MACROD2: variants seen among roughly 807,000 people sequenced by gnomAD.
MACROD2 encodes the protein ADP-ribose glycohydrolase MACROD2.
MACROD2 carries 36 observed loss-of-function variants against 70.4 expected under a neutral mutation model. The ratio of observed to expected loss-of-function variants is 0.51; its 90% CI spans 0.39 to 0.68. The LOEUF (loss-of-function observed/expected upper bound fraction) is 0.68. Ranked by LOEUF, MACROD2 falls within the 30% of genes least tolerant of loss-of-function variation. The pLI is 0.00. For synonymous variants in MACROD2, 172 were observed against 178.8 expected, an observed-to-expected ratio of 0.96 and a Z score of 0.30; for missense variants, 496 against 538.4, an observed-to-expected ratio of 0.92 and a Z score of 0.78.
In MACROD2 at chr20:13,995,936, C is replaced by T; in HGVS notation, c.46+127C>T. The T allele has an allele frequency of 9.0e-7, 1 of 1,107,044 alleles. No individual in the cohort carries two copies. Among genetic ancestry groups the T allele is most frequent in the East Asian group, 2.6e-5 (1 of 38,646 alleles). The allele number at this position is 1,107,044 out of a possible 1,614,324, so 68.6% of individuals were successfully genotyped here. A position where few individuals can be genotyped will look rare whatever the true frequency, so the allele number is the denominator to read the frequency against. ...CTCGCGCCCTCCCGGCCGGTGCCGC[C>T]TCCCTCCGGTGTCCGTGTGTACACA... On this transcript the variant is annotated intron_variant, in intron 1 of 17. Transcript: ENST00000684519. This position sits in a 1 kb window ranked among gnomAD's most constrained non-coding sequence, Gnocchi z 4.3.
At chr20:15,510,089 G>A (rs1270059324) in intron 8 of MACROD2, among the ~76,000 whole-genome samples, 7 of 152,134 alleles carry the variant, frequency 4.6e-5, no homozygotes, top group East Asian at 1.9e-4. Flanking sequence ...AGGAGAGGCC[G>A]CCATGTTGAT....
At chr20:14,900,387 A>G (rs930556649) in intron 5 of MACROD2, among the ~76,000 whole-genome samples, 5 of 152,086 alleles carry the variant, frequency 3.3e-5, no homozygotes, top group South Asian at 2.1e-4. Flanking sequence ...ATTAGTTGCA[A>G]TTCTTCAAAG....
intron 3 of MACROD2, among the ~76,000 whole-genome samples, chr20:14,244,404 T>G (rs1042905764): frequency 2.6e-5 from 4 of 152,132 alleles, no homozygotes; most frequent in African/African-American, 9.7e-5. Flanking sequence ...AAAACCCATA[T>G]TCAGTAGTGA....
chr20:14,858,857 T>C (rs2073283507), intron 5 of MACROD2, among the ~76,000 whole-genome samples: 1 of 152,156 alleles, frequency 6.6e-6, no homozygotes, highest in Non-Finnish European at 1.5e-5. Context: ...AGTACTCACC[T>C]CAAAGGTTGT....
chr20:15,920,748 T>A (rs2065391433), intron 10 of MACROD2, among the ~76,000 whole-genome samples: 1 of 152,214 alleles, frequency 6.6e-6, no homozygotes, highest in Non-Finnish European at 1.5e-5. Flanking sequence ...CCCTGCTAGC[T>A]ATGGGTGCTT....
intron 3 of MACROD2, among the ~76,000 whole-genome samples, chr20:14,452,785 G>C (rs540833531): frequency 6.6e-6 from 1 of 152,028 alleles, no homozygotes; most frequent in South Asian, 2.1e-4. Flanking sequence ...TGGATTTTTT[G>C]CATTTAGATT....
intron 3 of MACROD2, among the ~76,000 whole-genome samples, chr20:14,233,843 A>G (rs565784194): frequency 6.6e-6 from 1 of 152,150 alleles, no homozygotes; most frequent in South Asian, 2.1e-4. Flanking sequence ...ACTATATGAC[A>G]TTATGGAAAA....
chr20:14,981,882 A>C (rs2074804515), intron 5 of MACROD2, among the ~76,000 whole-genome samples: 1 of 152,110 alleles, frequency 6.6e-6, no homozygotes. Flanking sequence ...GATACCTGAA[A>C]ATTTGGAAGT....
At chr20:15,285,041 C>T (rs1600196760) in intron 6 of MACROD2, among the ~76,000 whole-genome samples, 1 of 150,910 alleles carries the variant, frequency 6.6e-6, no homozygotes, top group Non-Finnish European at 1.5e-5. Context: ...ATTTTTATGA[C>T]TAATGTTAAG....
chr20:15,371,316 A>T (rs1395577817), intron 6 of MACROD2, among the ~76,000 whole-genome samples: 1 of 152,154 alleles, frequency 6.6e-6, no homozygotes, highest in African/African-American at 2.4e-5. Flanking sequence ...GTATCATCTT[A>T]GAGGTTTCAG....
intron 10 of MACROD2, among the ~76,000 whole-genome samples, chr20:15,907,441 G>A (rs2065164580): frequency 6.6e-6 from 1 of 152,190 alleles, no homozygotes; most frequent in East Asian, 1.9e-4. Context: ...GGGAGAGCAT[G>A]GAAATCTGTT....
rs1177498607 is a variant in MACROD2, at chr20:15,234,012, C to CTTTTTTTTTTTTTTTTTTTTTTTT, written c.540+3965_540+3988dup. Among the ~76,000 whole-genome samples the CTTTTTTTTTTTTTTTTTTTTTTTT allele has an allele frequency of 2.4e-4, 7 of 29,184 alleles. 2 individuals carry two copies. Among genetic ancestry groups the CTTTTTTTTTTTTTTTTTTTTTTTT allele is most frequent in the Non-Finnish European group, 2.3e-4 (4 of 17,364 alleles). 19.1% of individuals were successfully genotyped at this position (29,184 alleles called of 152,430 possible). On this transcript the variant is annotated intron_variant, in intron 6 of 17. Transcript: ENST00000684519. Reference sequence around the variant, plus strand: ...ATATATATATATATATATATATATTCTTTTTTTTTTTTTTTTTTTTTTTTT... The same window carrying CTTTTTTTTTTTTTTTTTTTTTTTT: ...ATATATATATATATATATATATATTCTTTTTTTTTTTTTTTTTTTTTTTTTTTTTTTTTTTTTTTTTTTTTTTTT...
chr20:14,473,594 A>AT (rs1228040690), intron 3 of MACROD2, among the ~76,000 whole-genome samples: 1 of 146,928 alleles, frequency 6.8e-6, no homozygotes. Context: ...ATTGTGAATA[A>AT]TGCTTCTAAC....
In MACROD2 at chr20:14,923,563, C is replaced by G. The variant is rs113998847; in HGVS notation, c.418+238604C>G. ...AATTTTCGGTGATCTCCTTGACTAC[C>G]CTGTTTCTCTTACTTTCTCTATAAA... On this transcript the variant is annotated intron_variant, in intron 5 of 17. Transcript: ENST00000684519. 6.9e-4 allele frequency among the ~76,000 whole-genome samples: 105 copies of G among 152,152 alleles called. 2 individuals are homozygous for G. The highest frequency in any genetic ancestry group is 2.4e-3 in the African/African-American group (99 of 41,498).
At chr20:16,048,427 C>T (rs531964316) in intron 17 of MACROD2, among the ~76,000 whole-genome samples, 11 of 152,044 alleles carry the variant, frequency 7.2e-5, no homozygotes, top group Non-Finnish European at 1.5e-4. Context: ...ATCAAAGACA[C>T]GTGAAGAGAC....
intron 8 of MACROD2, among the ~76,000 whole-genome samples, chr20:15,507,113 C>G (rs927926231): frequency 2.6e-5 from 4 of 152,194 alleles, no homozygotes; most frequent in African/African-American, 4.8e-5. Context: ...GGCTGTGACA[C>G]CACTGAGGAC....
chr20:14,101,212 A>G (rs1227664900), intron 3 of MACROD2, among the ~76,000 whole-genome samples: 1 of 151,938 alleles, frequency 6.6e-6, no homozygotes. Flanking sequence ...ACAATATTAA[A>G]TTAGTTATCA....
At chr20:15,450,630 T>G (rs571520407) in intron 7 of MACROD2, among the ~76,000 whole-genome samples, 4 of 152,154 alleles carry the variant, frequency 2.6e-5, no homozygotes, top group Non-Finnish European at 5.9e-5. Flanking sequence ...TTTAGGACTT[T>G]ATGACTTTCT....
intron 6 of MACROD2, among the ~76,000 whole-genome samples, chr20:15,387,542 T>C (rs1465561583): frequency 1.3e-5 from 2 of 150,834 alleles, no homozygotes; most frequent in Non-Finnish European, 3.0e-5. Flanking sequence ...CTCTCCTTTC[T>C]CTCTCAATTA....
Sources: allele counts gnomAD v4.1 joint callset (sites outside exome capture counted in the v4.1 genomes callset), GRCh38; gene constraint gnomAD v4.1.1; non-coding constraint Gnocchi (gnomAD v3.1); transcripts MANE v1.5; gene names NCBI Gene and HGNC (gene_info 2026-07-23, HGNC 2026-07-21).